The following GAN variants were observed in gnomAD, a reference collection of about 807,000 sequenced individuals.
The protein encoded by GAN is epididymis secretory sperm binding protein.
A neutral mutation model predicts 71.3 loss-of-function variants in GAN; 48 were observed. The ratio of observed to expected loss-of-function variants is 0.67; its 90% CI spans 0.53 to 0.86. The LOEUF is 0.86. Ranked by LOEUF, GAN falls within the 40% of genes least tolerant of loss-of-function variation. The pLI is 0.00. For missense variants in GAN, 928 were observed against 770.1 expected, an observed-to-expected ratio of 1.21 and a Z score of -2.43; for synonymous variants, 386 against 276.8, an observed-to-expected ratio of 1.39 and a Z score of -3.92.
chr16:81,320,418 T>C (rs908316996), intron 1 of GAN, among the ~76,000 whole-genome samples: 13 of 152,366 alleles, frequency 8.5e-5, no homozygotes, highest in Middle Eastern at 3.4e-3. Flanking sequence ...GCTTCCCTGT[T>C]AATGCTGAGA....
Position 81,315,054 on chromosome 16 carries a change from G to A in GAN, c.-60G>A, listed in dbSNP as rs1241306291. The A allele has an allele frequency of 1.5e-6, 2 of 1,346,286 alleles. No homozygotes were observed. The highest frequency in any genetic ancestry group is 3.2e-5 in the Admixed American group (1 of 30,808). The allele number at this position is 1,346,286 out of a possible 1,614,324, so 83.4% of individuals were successfully genotyped here. On this transcript the variant is annotated 5_prime_UTR_variant, in exon 1 of 11. Coordinates refer to ENST00000648994, the MANE Select transcript of GAN (RefSeq NM_022041.4). ...CGCGCGCGCAGGACTCGGGCCGCTC[G>A]AGGGGTCCGGCCGGACGGTGTCGGG...
intron 1 of GAN, among the ~76,000 whole-genome samples, chr16:81,336,819 G>C (rs1166005911): frequency 6.6e-6 from 1 of 152,196 alleles, no homozygotes; most frequent in East Asian, 1.9e-4. Context: ...GCAAAACTGA[G>C]AGGAAAGTAC....
intron 1 of GAN, among the ~76,000 whole-genome samples, chr16:81,338,532 AAAAG>A (rs1909840691): frequency 6.6e-6 from 1 of 152,210 alleles, no homozygotes; most frequent in Non-Finnish European, 1.5e-5. Flanking sequence ...TTCTAGATAA[AAAAG>A]GGAAATCTAA....
At chr16:81,354,247 A>C (rs1910408211) in intron 2 of GAN, among the ~76,000 whole-genome samples, 158 bp from the exon 3 acceptor site, 1 of 152,174 alleles carries the variant, frequency 6.6e-6, no homozygotes, top group Non-Finnish European at 1.5e-5. Flanking sequence ...CTTGGAAAAA[A>C]AAAAAAAAAT....
chr16:81,352,379 G>T (rs1452604537), intron 2 of GAN, among the ~76,000 whole-genome samples: 1 of 152,124 alleles, frequency 6.6e-6, no homozygotes, highest in Non-Finnish European at 1.5e-5. Context: ...CCCATGACGT[G>T]ATTTCAAGCA....
chr16:81,374,628 T>C (rs563844920), intron 9 of GAN, among the ~76,000 whole-genome samples: 8 of 152,370 alleles, frequency 5.3e-5, no homozygotes, highest in African/African-American at 1.9e-4. Flanking sequence ...TCATTATTGA[T>C]TTTCTTGCTC....
chr16:81,328,649 A>ATTTTT (rs10690232), intron 1 of GAN, among the ~76,000 whole-genome samples: 123 of 147,048 alleles, frequency 8.4e-4, no homozygotes, highest in Admixed American at 2.4e-3. Flanking sequence ...TGTGTATCTT[A>ATTTTT]TTTTTTTTTT....
chr16:81,345,346 C>G (rs1371500373), intron 1 of GAN, among the ~76,000 whole-genome samples: 1 of 152,146 alleles, frequency 6.6e-6, no homozygotes, highest in Non-Finnish European at 1.5e-5. Context: ...GACTTGGAAC[C>G]AACCCAAATG....
At chr16:81,351,191 G>A (rs192390461) in intron 1 of GAN, among the ~76,000 whole-genome samples, 116 of 152,310 alleles carry the variant, frequency 7.6e-4, no homozygotes, top group African/African-American at 2.7e-3. Flanking sequence ...GCGGGCTATT[G>A]ACAAGGTCTT....
intron 1 of GAN, among the ~76,000 whole-genome samples, chr16:81,335,504 T>G (rs11648005): frequency 0.34 from 52,198 of 151,774 alleles, 10,076 homozygotes; most frequent in East Asian, 0.72. Flanking sequence ...CCCAACACTT[T>G]GGGAGACCAA....
At chr16:81,367,909 C>T (rs1910913799) in intron 9 of GAN, among the ~76,000 whole-genome samples, 1 of 152,076 alleles carries the variant, frequency 6.6e-6, no homozygotes, top group Admixed American at 6.5e-5. Context: ...CTATAACTAT[C>T]GATAGAACAA....
At chr16:81,329,100 T>A (rs1331532760) in intron 1 of GAN, among the ~76,000 whole-genome samples, 1 of 152,146 alleles carries the variant, frequency 6.6e-6, no homozygotes, top group Non-Finnish European at 1.5e-5. Context: ...GAGCAAAGAT[T>A]GATAGTCAAG....
chr16:81,358,613 A>G (rs1439351900), intron 5 of GAN, among the ~76,000 whole-genome samples: 2 of 151,712 alleles, frequency 1.3e-5, no homozygotes, highest in Non-Finnish European at 2.9e-5. Flanking sequence ...TGTCTCAAAA[A>G]AAAAAGAAAA....
chr16:81,334,176 A>G (rs1267475936), intron 1 of GAN, among the ~76,000 whole-genome samples: 2 of 152,254 alleles, frequency 1.3e-5, no homozygotes, highest in Non-Finnish European at 2.9e-5. Flanking sequence ...ATGCTACATT[A>G]TATTTCCTCT....
At chr16:81,376,577 GTATA>G (rs1179508299) in intron 9 of GAN, among the ~76,000 whole-genome samples, 1 of 148,842 alleles carries the variant, frequency 6.7e-6, no homozygotes, top group Non-Finnish European at 1.5e-5. Flanking sequence ...GTGTATATGT[GTATA>G]TATGTATGTA....
Position 81,387,423 on chromosome 16 carries a change from C to T in GAN, c.*9827C>T, listed in dbSNP as rs1904434998. The T allele has an allele frequency of 6.6e-6, 1 of 152,324 alleles. No homozygotes were observed. The highest frequency in any genetic ancestry group is 2.4e-5 in the African/African-American group (1 of 41,554). 9.4% of individuals were successfully genotyped at this position (152,324 alleles called of 1,614,324 possible). On this transcript the variant is annotated 3_prime_UTR_variant, in exon 11 of 11. Coordinates refer to ENST00000648994, the MANE Select transcript of GAN (RefSeq NM_022041.4). ...GATTGTTGTCATGGTTTTGTCTTGT[C>T]CTCCTCCCTGGTGAAAGTCTACTGC...
intron 3 of GAN, among the ~76,000 whole-genome samples, chr16:81,355,702 C>G (rs1008858037): frequency 2.6e-4 from 40 of 152,318 alleles, no homozygotes; most frequent in African/African-American, 7.7e-4. Flanking sequence ...AAATAAGACA[C>G]TAGCTCCAAT....
In GAN at chr16:81,377,322, G is replaced by A. The variant is rs1904284820; in HGVS notation, c.1606G>A (p.Asp536Asn). 6.3e-7 allele frequency: 1 copy of A among 1,590,288 alleles called. No homozygotes were observed. Among genetic ancestry groups the A allele is most frequent in the Admixed American group, 1.7e-5 (1 of 59,956 alleles). Reference protein sequence around the residue: ...GASIYVIGDLDTGTNYDYVRE... With the variant: ...GASIYVIGDLNTGTNYDYVRE... ...CAGTATTTATGTTATTGGAGATCTT[G>A]ATACAGGTAAGAGTGTTACAGTGAT... is the stretch of plus-strand genomic sequence containing the variant. Residue 536 changes from aspartate (D) to asparagine (N), a missense_variant, in exon 10 of 11, where the codon GAT becomes AAT. Asp to Asn is a conservative substitution (Grantham distance 23, BLOSUM62 1). Coordinates refer to ENST00000648994, the MANE Select transcript of GAN (RefSeq NM_022041.4).
intron 1 of GAN, among the ~76,000 whole-genome samples, chr16:81,327,536 C>G (rs1005343488): frequency 1.3e-5 from 2 of 151,712 alleles, no homozygotes; most frequent in African/African-American, 4.9e-5. Context: ...AAGACAAGTA[C>G]AAAGACAATA....
Sources: allele counts gnomAD v4.1 joint callset (sites outside exome capture counted in the v4.1 genomes callset), GRCh38; gene constraint gnomAD v4.1.1; transcripts MANE v1.5; gene names NCBI Gene and HGNC (gene_info 2026-07-23, HGNC 2026-07-21).